Variants in CNTN4 observed in about 807,000 individuals in gnomAD.
CNTN4 encodes contactin 4, also known as contactin-4.
A neutral mutation model predicts 122.5 loss-of-function variants in CNTN4; 77 were observed. That is an observed-to-expected ratio of 0.63 (90% CI 0.52 to 0.76). The LOEUF is 0.76. Ranked by LOEUF, CNTN4 falls within the 30% of genes least tolerant of loss-of-function variation. The probability of loss-of-function intolerance (pLI) is 0.00; values close to 1 mark genes in which losing one functional copy is unlikely to be tolerated. For missense variants in CNTN4, 1,256 were observed against 1,259.1 expected, an observed-to-expected ratio of 1.00 and a Z score of 0.04; for synonymous variants, 512 against 447.0, an observed-to-expected ratio of 1.15 and a Z score of -1.83.
chr3:2,437,468 A>G (rs1416541816), intron 3 of CNTN4, among the ~76,000 whole-genome samples: 2 of 152,204 alleles, frequency 1.3e-5, no homozygotes, highest in Admixed American at 6.5e-5. Flanking sequence ...AATTTAAAAC[A>G]TATAATTTCA....
intron 4 of CNTN4, among the ~76,000 whole-genome samples, chr3:2,584,140 G>A (rs2149589619): frequency 6.6e-6 from 1 of 152,274 alleles, no homozygotes; most frequent in East Asian, 1.9e-4. Context: ...GTCTATTGTA[G>A]TCATTTATTA....
At chr3:2,206,493 T>A (rs971003549) in intron 2 of CNTN4, among the ~76,000 whole-genome samples, 7 of 151,988 alleles carry the variant, frequency 4.6e-5, no homozygotes, top group African/African-American at 1.7e-4. Flanking sequence ...ATAACATTTT[T>A]AAGGATTGGA....
chr3:2,221,821 T>G (rs938093798), intron 2 of CNTN4, among the ~76,000 whole-genome samples: 1 of 152,008 alleles, frequency 6.6e-6, no homozygotes, highest in African/African-American at 2.4e-5. Context: ...ATCAGGTAAA[T>G]GCAAATAAAA....
chr3:2,674,682 C>T (rs113319611), intron 4 of CNTN4, among the ~76,000 whole-genome samples: 21,996 of 151,828 alleles, frequency 0.14, 1,929 homozygotes, highest in African/African-American at 0.25. Flanking sequence ...CACCTGAACC[C>T]GGGAGGCGGA....
rs1243309018 is a variant in CNTN4, at chr3:2,386,046, T to C, written c.-89+46813T>C. The stretch of plus-strand genomic sequence containing the variant: ...TACTATACCTTGCACACACTACTTA[T>C]TAATTTTCATGTCACAGTATATTTG... On this transcript the variant is annotated intron_variant, in intron 3 of 24. Coordinates refer to ENST00000418658, the MANE Select transcript of CNTN4 (RefSeq NM_175607.3). 3.9e-5 allele frequency among the ~76,000 whole-genome samples: 6 copies of C among 152,122 alleles called. 1 individual carries two copies. The South Asian group carries it at 1.2e-3, about 32-fold the overall frequency.
At chr3:2,116,788 T>G (rs942329629) in intron 2 of CNTN4, among the ~76,000 whole-genome samples, 2 of 152,144 alleles carry the variant, frequency 1.3e-5, no homozygotes, top group African/African-American at 4.8e-5. Context: ...ACACAAAGAC[T>G]CTTTACTAAA....
intron 13 of CNTN4, among the ~76,000 whole-genome samples, chr3:2,954,143 G>A (rs2094774914): frequency 6.6e-6 from 1 of 152,122 alleles, no homozygotes; most frequent in Non-Finnish European, 1.5e-5. Flanking sequence ...CTAACCTAAG[G>A]GAAATTGAGT....
intron 2 of CNTN4, among the ~76,000 whole-genome samples, chr3:2,317,452 G>A (rs1207161495): frequency 6.6e-6 from 1 of 152,170 alleles, no homozygotes; most frequent in African/African-American, 2.4e-5. Context: ...TCCTCACCCA[G>A]AGTGAGTTCT....
chr3:2,306,651 A>C (rs759226810), intron 2 of CNTN4, among the ~76,000 whole-genome samples: 6 of 152,258 alleles, frequency 3.9e-5, no homozygotes, highest in Admixed American at 1.3e-4. Flanking sequence ...TAATTTCTGC[A>C]ATACAACAAC....
At chr3:2,147,385 A>T (rs1191549290) in intron 2 of CNTN4, among the ~76,000 whole-genome samples, 1 of 152,218 alleles carries the variant, frequency 6.6e-6, no homozygotes, top group Non-Finnish European at 1.5e-5. Flanking sequence ...ATAGCAAAAA[A>T]AAAAATTTGC....
At chr3:2,660,085 C>T (rs1267670964) in intron 4 of CNTN4, among the ~76,000 whole-genome samples, 1 of 152,152 alleles carries the variant, frequency 6.6e-6, no homozygotes, top group African/African-American at 2.4e-5. Flanking sequence ...TACATTTCTT[C>T]CCAAGCTACT....
chr3:2,234,277 C>T (rs1219315537), intron 2 of CNTN4, among the ~76,000 whole-genome samples: 1 of 145,718 alleles, frequency 6.9e-6, no homozygotes, highest in Non-Finnish European at 1.5e-5. Flanking sequence ...ACTTGGGAGG[C>T]TGAGGCAGGA....
chr3:2,741,880 G>A (rs1279717984), intron 5 of CNTN4, among the ~76,000 whole-genome samples: 1 of 152,190 alleles, frequency 6.6e-6, no homozygotes, highest in Non-Finnish European at 1.5e-5. Flanking sequence ...CAGTGAAACA[G>A]AAACCTATTA....
intron 4 of CNTN4, among the ~76,000 whole-genome samples, chr3:2,628,383 G>A (rs976207491): frequency 2.6e-5 from 4 of 152,174 alleles, no homozygotes; most frequent in Admixed American, 2.0e-4. Flanking sequence ...CACCTTAAGG[G>A]AAATGGCTTT....
chr3:2,748,315 G>A (rs1428208548), intron 6 of CNTN4, among the ~76,000 whole-genome samples: 8 of 152,102 alleles, frequency 5.3e-5, no homozygotes, highest in Non-Finnish European at 1.2e-4. Context: ...ACCCAACCAC[G>A]TTGTTTTATT....
intron 16 of CNTN4, among the ~76,000 whole-genome samples, chr3:3,033,700 G>T (rs892496880): frequency 6.6e-6 from 1 of 152,182 alleles, no homozygotes; most frequent in Non-Finnish European, 1.5e-5. Flanking sequence ...TGTTAAAAAT[G>T]CATTTAACTG....
At chr3:3,014,879 G>GTTTTTTTTTTTTTTTTTTTT (rs5846238) in intron 14 of CNTN4, among the ~76,000 whole-genome samples, 3 of 121,544 alleles carry the variant, frequency 2.5e-5, no homozygotes, top group Non-Finnish European at 1.7e-5. Context: ...CCCTCGATTG[G>GTTTTTTTTTTTTTTTTTTTT]TTTTTTTTTT....
chr3:2,682,027 G>A (rs2085191967), intron 4 of CNTN4, among the ~76,000 whole-genome samples: 1 of 152,124 alleles, frequency 6.6e-6, no homozygotes, highest in Non-Finnish European at 1.5e-5. Flanking sequence ...TTCACTTAAT[G>A]TTTTTGTGTT....
chr3:2,818,564 C>T (rs954843703), intron 6 of CNTN4, among the ~76,000 whole-genome samples: 3 of 152,210 alleles, frequency 2.0e-5, no homozygotes, highest in African/African-American at 4.8e-5. Flanking sequence ...CAACAAAAAA[C>T]GAAATGGCAC....
Sources: allele counts gnomAD v4.1 joint callset (sites outside exome capture counted in the v4.1 genomes callset), GRCh38; gene constraint gnomAD v4.1.1; transcripts MANE v1.5; gene names NCBI Gene and HGNC (gene_info 2026-07-23, HGNC 2026-07-21).